The following SUGCT variants were observed in gnomAD, a reference collection of about 807,000 sequenced individuals.
The protein encoded by SUGCT is succinyl-CoA:glutarate-CoA transferase.
A neutral mutation model predicts 55.0 loss-of-function variants in SUGCT; 41 were observed. That is an observed-to-expected ratio of 0.74 (90% CI 0.58 to 0.97). SUGCT has a LOEUF of 0.97. Ranked by LOEUF, SUGCT falls within the 50% of genes least tolerant of loss-of-function variation. SUGCT has a pLI of 0.00. For synonymous variants in SUGCT, 187 were observed against 200.4 expected (o/e 0.93, Z 0.56); for missense variants, 568 against 547.8 (o/e 1.04, Z -0.37).
At chr7:40,889,919 AC>A in the SUGCT span, among the ~76,000 whole-genome samples, 1 of 152,092 alleles carries the variant, frequency 6.6e-6, no homozygotes, top group Non-Finnish European at 1.5e-5. Context: ...TCAACGTGAT[AC>A]CTGACAACCA....
At chr7:40,994,489 A>G in the SUGCT span, among the ~76,000 whole-genome samples, 1 of 151,976 alleles carries the variant, frequency 6.6e-6, no homozygotes, top group African/African-American at 2.4e-5. Context: ...CCCCAAGTGT[A>G]AAGAGATTGG....
intron 9 of SUGCT, among the ~76,000 whole-genome samples, chr7:40,428,769 T>A (rs1787733968): frequency 6.6e-6 from 1 of 152,218 alleles, no homozygotes; most frequent in African/African-American, 2.4e-5. Context: ...AAGGTTTACA[T>A]ACCAATGTTA....
intron 12 of SUGCT, among the ~76,000 whole-genome samples, chr7:40,626,278 A>G (rs1370208426): frequency 6.7e-6 from 1 of 149,014 alleles, no homozygotes; most frequent in Admixed American, 6.7e-5. Flanking sequence ...TTTTTTGGAG[A>G]TGGAGTCTCA....
chr7:40,291,878 C>G (rs1239605113), intron 8 of SUGCT, among the ~76,000 whole-genome samples: 1 of 152,076 alleles, frequency 6.6e-6, no homozygotes, highest in Non-Finnish European at 1.5e-5. Context: ...CTAACATATG[C>G]ACTCAGCCTC....
At chr7:40,156,702 A>T (rs1783914172) in intron 1 of SUGCT, among the ~76,000 whole-genome samples, 1 of 152,158 alleles carries the variant, frequency 6.6e-6, no homozygotes, top group Non-Finnish European at 1.5e-5. Context: ...TTTTAGGTAG[A>T]TGTCAGGTAT....
intron 12 of SUGCT, among the ~76,000 whole-genome samples, chr7:40,615,104 A>G (rs558090114): frequency 5.1e-4 from 78 of 152,144 alleles, no homozygotes; most frequent in African/African-American, 1.9e-3. Flanking sequence ...AAAAATTTAA[A>G]AAGAATTTAT....
At chr7:40,506,968 A>G (rs1792641058) in intron 12 of SUGCT, among the ~76,000 whole-genome samples, 1 of 152,072 alleles carries the variant, frequency 6.6e-6, no homozygotes, top group African/African-American at 2.4e-5. Context: ...TTACTTCTTT[A>G]GGCATGGTTT....
chr7:40,567,139 T>C (rs984782221), intron 12 of SUGCT, among the ~76,000 whole-genome samples: 1 of 152,248 alleles, frequency 6.6e-6, no homozygotes, highest in Non-Finnish European at 1.5e-5. Flanking sequence ...TATATACATT[T>C]AACAAAATCC....
At position 40,715,326 on chromosome 7, in the gene SUGCT, CAGA is replaced by C. The variant is rs1785963774; in HGVS notation, c.1090-34103_1090-34101del. Among the ~76,000 whole-genome samples, 3 of 152,200 alleles carry C rather than the reference CAGA, an allele frequency of 2.0e-5. No homozygotes were observed. The South Asian group carries it at 6.2e-4, about 32-fold the overall frequency. On this transcript the variant is annotated intron_variant, in intron 12 of 13. Transcript: ENST00000335693. ...TGCTGTGACCTCATCTATACAATTG[CAGA>C]AGAACATCTAGCCTGCCTCCGCTGT...
At position 40,181,857 on chromosome 7, in the gene SUGCT, T is replaced by C. The variant is rs571700886; in HGVS notation, c.153-98T>C. 54 of 730,014 alleles carry C rather than the reference T, an allele frequency of 7.4e-5. No homozygotes were observed. In the East Asian group the frequency reaches 1.5e-3, roughly 20 times the overall value. 45.2% of individuals were successfully genotyped at this position (730,014 alleles called of 1,614,324 possible). ...TTAACTGTTTTGATTCTTACTAGGA[T>C]TATATGAGCGTGTCTGTGTTGACGG... On this transcript the variant is annotated intron_variant, in intron 2 of 13. Transcript: ENST00000335693.
At chr7:40,462,905 A>T (rs563871215) in intron 11 of SUGCT, among the ~76,000 whole-genome samples, 22 of 152,164 alleles carry the variant, frequency 1.4e-4, no homozygotes, top group South Asian at 6.2e-4. Context: ...CACTTAAAAA[A>T]TTTTTTCTCT....
At chr7:40,899,070 C>T in the SUGCT span, among the ~76,000 whole-genome samples, 5 of 152,060 alleles carry the variant, frequency 3.3e-5, no homozygotes, top group African/African-American at 1.2e-4. Context: ...TCTTGTAGAA[C>T]CCCCCAGAGC....
At chr7:40,660,121 A>G (rs1330889179) in intron 12 of SUGCT, among the ~76,000 whole-genome samples, 3 of 152,218 alleles carry the variant, frequency 2.0e-5, no homozygotes, top group Non-Finnish European at 2.9e-5. Context: ...TTTCTCACGT[A>G]AAGTTTTCTA....
At chr7:40,168,651 G>A (rs1784532573) in intron 1 of SUGCT, among the ~76,000 whole-genome samples, 1 of 152,192 alleles carries the variant, frequency 6.6e-6, no homozygotes, top group Admixed American at 6.5e-5. Flanking sequence ...CATCTGATGG[G>A]TGCTATCAAT....
intron 11 of SUGCT, among the ~76,000 whole-genome samples, chr7:40,460,604 G>A (rs528973467): frequency 6.6e-6 from 1 of 152,254 alleles, no homozygotes; most frequent in Admixed American, 6.5e-5. Context: ...ACCATACTGC[G>A]AGAAGAACAG....
At chr7:40,430,070 C>T (rs536951009) in intron 9 of SUGCT, among the ~76,000 whole-genome samples, 58 of 152,208 alleles carry the variant, frequency 3.8e-4, no homozygotes, top group Non-Finnish European at 6.5e-4. Flanking sequence ...CTTTATTTAT[C>T]GATGAACATT....
At chr7:40,786,052 T>A (rs1408007912) in intron 13 of SUGCT, among the ~76,000 whole-genome samples, 2 of 152,154 alleles carry the variant, frequency 1.3e-5, no homozygotes, top group Non-Finnish European at 2.9e-5. Context: ...TGAGCTATGA[T>A]TGCCCTACTG....
intron 13 of SUGCT, among the ~76,000 whole-genome samples, chr7:40,818,154 A>G (rs1289706600): frequency 6.6e-6 from 1 of 152,248 alleles, no homozygotes; most frequent in Non-Finnish European, 1.5e-5. Flanking sequence ...CAACTCTTGC[A>G]ATCAGGATAT....
At chr7:40,266,587 A>G (rs985190179) in intron 7 of SUGCT, among the ~76,000 whole-genome samples, 7 of 151,736 alleles carry the variant, frequency 4.6e-5, no homozygotes, top group African/African-American at 1.7e-4. Context: ...ATTTCTTTTA[A>G]TAATCATTGA....
Sources: gnomAD v4.1 joint callset for allele counts (sites outside exome capture counted in the v4.1 genomes callset) on GRCh38, gnomAD v4.1.1 for gene constraint, MANE v1.5 for transcripts, NCBI Gene and HGNC (gene_info 2026-07-23, HGNC 2026-07-21) for gene names.